CNTNAP2: variants seen among roughly 807,000 people sequenced by gnomAD.
CNTNAP2 encodes contactin associated protein 2, also known as contactin-associated protein-like 2.
In CNTNAP2, 98 loss-of-function variants were observed where a neutral mutation model predicts 155.2. The ratio of observed to expected loss-of-function variants is 0.63; its 90% CI spans 0.54 to 0.75. The LOEUF (loss-of-function observed/expected upper bound fraction) is 0.75, where lower values mean the gene tolerates loss of function less well. CNTNAP2 is among the 30% of genes least tolerant of loss of function. The pLI is 0.00. For synonymous variants in CNTNAP2, 651 were observed against 631.2 expected (o/e 1.03, Z -0.47); for missense variants, 1,727 against 1,688.1 (o/e 1.02, Z -0.40).
chr7:148,207,549 G>A (rs987136901), intron 18 of CNTNAP2, among the ~76,000 whole-genome samples: 1 of 152,216 alleles, frequency 6.6e-6, no homozygotes, highest in African/African-American at 2.4e-5. Flanking sequence ...TGGCAGGGGA[G>A]TCATGGGACC....
At chr7:147,757,676 G>A (rs1450760900) in intron 13 of CNTNAP2, among the ~76,000 whole-genome samples, 1 of 151,932 alleles carries the variant, frequency 6.6e-6, no homozygotes, top group East Asian at 1.9e-4. Flanking sequence ...GTTGGCTCTT[G>A]TGTTTCTAGA....
At chr7:147,400,092 T>C (rs1484584220) in intron 10 of CNTNAP2, among the ~76,000 whole-genome samples, 1 of 152,210 alleles carries the variant, frequency 6.6e-6, no homozygotes, top group East Asian at 1.9e-4. Flanking sequence ...TCAACTCTTA[T>C]TCTCAATCTT....
At chr7:146,232,527 G>T (rs528226623) in intron 1 of CNTNAP2, among the ~76,000 whole-genome samples, 1 of 152,104 alleles carries the variant, frequency 6.6e-6, no homozygotes, top group Non-Finnish European at 1.5e-5. Context: ...CTCATTTGGA[G>T]TGAGACTAGG....
At chr7:146,943,639 G>A (rs775486836) in intron 3 of CNTNAP2, among the ~76,000 whole-genome samples, 18 of 152,216 alleles carry the variant, frequency 1.2e-4, no homozygotes, top group Non-Finnish European at 2.4e-4. Flanking sequence ...GCAGGCTTCT[G>A]TCTATGGTAC....
At chr7:147,622,164 G>A (rs1371448975) in intron 12 of CNTNAP2, among the ~76,000 whole-genome samples, 1 of 151,916 alleles carries the variant, frequency 6.6e-6, no homozygotes, top group African/African-American at 2.4e-5. Context: ...TAAAGAGAGA[G>A]ATGGGCCCCA....
At chr7:147,610,497 C>A (rs558814952) in intron 12 of CNTNAP2, among the ~76,000 whole-genome samples, 14 of 152,222 alleles carry the variant, frequency 9.2e-5, no homozygotes, top group African/African-American at 2.4e-4. Context: ...TTGAAGCAAC[C>A]AGCATGCCAC....
At chr7:147,577,539 G>A (rs1327791517) in intron 12 of CNTNAP2, among the ~76,000 whole-genome samples, 1 of 151,770 alleles carries the variant, frequency 6.6e-6, no homozygotes, top group Non-Finnish European at 1.5e-5. Context: ...ACAAAGGCTT[G>A]TAGCCCATGT....
chr7:147,866,931 G>A (rs778538033), intron 13 of CNTNAP2, among the ~76,000 whole-genome samples: 1 of 152,046 alleles, frequency 6.6e-6, no homozygotes, highest in Non-Finnish European at 1.5e-5. Context: ...TTTAACTGGG[G>A]CTTTTAGCCC....
intron 8 of CNTNAP2, among the ~76,000 whole-genome samples, chr7:147,204,905 A>G (rs1282441027): frequency 2.0e-5 from 3 of 152,154 alleles, no homozygotes; most frequent in African/African-American, 7.2e-5. Flanking sequence ...CAAATGTACC[A>G]ATAAGTTGCC....
chr7:147,724,150 A>C (rs1351895958), intron 13 of CNTNAP2, among the ~76,000 whole-genome samples: 1 of 152,024 alleles, frequency 6.6e-6, no homozygotes, highest in Non-Finnish European at 1.5e-5. Flanking sequence ...CTAGTTTATT[A>C]CGTTCAAAAA....
At chr7:147,071,247 C>CT (rs937820973) in intron 4 of CNTNAP2, among the ~76,000 whole-genome samples, 166 of 150,950 alleles carry the variant, frequency 1.1e-3, no homozygotes, top group African/African-American at 3.9e-3. Flanking sequence ...AAAATAGTGA[C>CT]TTTTTCTTCT....
At chr7:148,395,058 C>T (rs577979431) in intron 22 of CNTNAP2, among the ~76,000 whole-genome samples, 1 of 151,614 alleles carries the variant, frequency 6.6e-6, no homozygotes, top group East Asian at 1.9e-4. Context: ...TGAACAGAAA[C>T]TTGTTAATAA....
intron 14 of CNTNAP2, among the ~76,000 whole-genome samples, chr7:147,928,815 G>T (rs1260394939): frequency 2.0e-5 from 3 of 152,004 alleles, no homozygotes; most frequent in Admixed American, 6.6e-5. Context: ...AATCGGCCGG[G>T]TGCGGTGGCT....
chr7:147,689,414 G>A (rs1023760326), intron 13 of CNTNAP2, among the ~76,000 whole-genome samples: 1 of 152,070 alleles, frequency 6.6e-6, no homozygotes, highest in African/African-American at 2.4e-5. Flanking sequence ...CTCCCAAAGT[G>A]CTGGGATTAC....
At chr7:146,630,729 A>G (rs553595334) in intron 1 of CNTNAP2, among the ~76,000 whole-genome samples, 2 of 152,244 alleles carry the variant, frequency 1.3e-5, no homozygotes, top group East Asian at 1.9e-4. Flanking sequence ...TCTAATGACC[A>G]GTGATGATGA....
At chr7:148,181,321 C>T (rs879397956) in intron 18 of CNTNAP2, among the ~76,000 whole-genome samples, 9 of 151,760 alleles carry the variant, frequency 5.9e-5, no homozygotes, top group Non-Finnish European at 1.2e-4. Flanking sequence ...TACCATAACG[C>T]ATGAAAATAA....
At chr7:147,473,119 G>T (rs775514438) in intron 10 of CNTNAP2, among the ~76,000 whole-genome samples, 3 of 152,202 alleles carry the variant, frequency 2.0e-5, no homozygotes, top group Non-Finnish European at 2.9e-5. Context: ...GTGAATGCCT[G>T]TGAGAAAAGG....
intron 8 of CNTNAP2, among the ~76,000 whole-genome samples, chr7:147,279,837 C>T (rs1483049317): frequency 6.6e-6 from 1 of 151,838 alleles, no homozygotes; most frequent in Non-Finnish European, 1.5e-5. Flanking sequence ...TCATCGATCA[C>T]AGTAGAAAAT....
At chr7:147,718,880 T>C (rs575220890) in intron 13 of CNTNAP2, among the ~76,000 whole-genome samples, 1 of 152,294 alleles carries the variant, frequency 6.6e-6, no homozygotes, top group African/African-American at 2.4e-5. Context: ...TACACAATAA[T>C]AGTGCTCTAT....
Sources: allele counts gnomAD v4.1 joint callset (sites outside exome capture counted in the v4.1 genomes callset), GRCh38; gene constraint gnomAD v4.1.1; transcripts MANE v1.5; gene names NCBI Gene and HGNC (gene_info 2026-07-23, HGNC 2026-07-21).